Variants in ST6GALNAC3 observed in about 807,000 individuals in gnomAD.
ST6GALNAC3 encodes alpha-N-acetylgalactosaminide alpha-2,6-sialyltransferase 3.
Under a neutral mutation model 32.7 loss-of-function variants are expected in ST6GALNAC3, and 25 were observed. The observed-to-expected ratio is 0.76, with a 90% confidence interval of 0.56 to 1.07. The LOEUF (loss-of-function observed/expected upper bound fraction) is 1.07. ST6GALNAC3 is among the 50% of genes least tolerant of loss of function. The probability of loss-of-function intolerance (pLI) is 0.00; values close to 1 mark genes in which losing one functional copy is unlikely to be tolerated. For synonymous variants in ST6GALNAC3, 129 were observed against 133.1 expected (o/e 0.97, Z 0.21); for missense variants, 355 against 382.4 (o/e 0.93, Z 0.60).
intron 3 of ST6GALNAC3, among the ~76,000 whole-genome samples, chr1:76,461,908 CT>C (rs1658303418): frequency 6.6e-6 from 1 of 152,080 alleles, no homozygotes; most frequent in Non-Finnish European, 1.5e-5. Context: ...AGGATCCAGA[CT>C]TAGGTAAACT....
intron 2 of ST6GALNAC3, among the ~76,000 whole-genome samples, chr1:76,317,074 C>T (rs1646878731): frequency 6.6e-6 from 1 of 152,104 alleles, no homozygotes; most frequent in South Asian, 2.1e-4. Flanking sequence ...GAAAATTTTG[C>T]ATGAAAGTTG....
rs1653871678 is a variant in ST6GALNAC3, at chr1:76,406,858, C to T, written c.214-5150C>T. 2.6e-5 allele frequency among the ~76,000 whole-genome samples: 4 copies of T among 151,772 alleles called. No individual in the cohort carries two copies. In the South Asian group the frequency reaches 8.3e-4, roughly 32 times the overall value. On this transcript the variant is annotated intron_variant, in intron 2 of 4. Coordinates refer to ENST00000328299, the MANE Select transcript of ST6GALNAC3 (RefSeq NM_152996.4). ...GACATCATGTTTATCTCAACTTCCTCAACTCAGTAATGGAAAATGAATTAA... is the reference window on the plus strand; with the variant it reads ...GACATCATGTTTATCTCAACTTCCTTAACTCAGTAATGGAAAATGAATTAA...
intron 1 of ST6GALNAC3, among the ~76,000 whole-genome samples, chr1:76,184,562 C>CACAT (rs1553163156): frequency 6.4e-4 from 95 of 148,092 alleles, no homozygotes; most frequent in African/African-American, 2.3e-3. Context: ...CACACACACA[C>CACAT]GAAACATATG....
At chr1:76,390,930 T>TTA (rs144246693) in intron 2 of ST6GALNAC3, among the ~76,000 whole-genome samples, 22,025 of 98,240 alleles carry the variant, frequency 0.22, 3,047 homozygotes, top group African/African-American at 0.3. Flanking sequence ...ATTAAAATGC[T>TTA]TATATATATA....
intron 3 of ST6GALNAC3, among the ~76,000 whole-genome samples, chr1:76,437,779 T>G (rs995442878): frequency 6.6e-6 from 1 of 151,946 alleles, no homozygotes; most frequent in African/African-American, 2.4e-5. Context: ...TTTCACCATG[T>G]TGGCCAGGAC....
intron 3 of ST6GALNAC3, among the ~76,000 whole-genome samples, chr1:76,428,759 A>C (rs1164879199): frequency 6.6e-6 from 1 of 152,186 alleles, no homozygotes; most frequent in African/African-American, 2.4e-5. Context: ...CTCATTATGC[A>C]TTAGTTTATC....
rs571962558 is a variant in ST6GALNAC3 at position 76,634,299 on chromosome 1, T to C, written c.*5493T>C. ...CTTCAAAAAGATCAAAACGAGGCAATTTTATAGCTTTTTGTTACCTAATCT... is the reference window on the plus strand; with the variant it reads ...CTTCAAAAAGATCAAAACGAGGCAACTTTATAGCTTTTTGTTACCTAATCT... On this transcript the variant is annotated 3_prime_UTR_variant, in exon 5 of 5. Transcript: ENST00000328299. 2.7e-6 allele frequency: 1 copy of C among 374,696 alleles called. No individual in the cohort carries two copies. The highest frequency in any genetic ancestry group is 2.2e-5 in the African/African-American group (1 of 45,576). The allele number at this position is 374,696 out of a possible 1,614,324, so 23.2% of individuals were successfully genotyped here.
intron 1 of ST6GALNAC3, among the ~76,000 whole-genome samples, chr1:76,133,200 A>C (rs1022592085): frequency 1.3e-5 from 2 of 152,170 alleles, no homozygotes; most frequent in African/African-American, 4.8e-5. Flanking sequence ...GCCTCTGCCC[A>C]CATCTATTCT....
At chr1:76,483,041 C>T (rs773483787) in intron 3 of ST6GALNAC3, among the ~76,000 whole-genome samples, 2 of 152,226 alleles carry the variant, frequency 1.3e-5, no homozygotes, top group Non-Finnish European at 2.9e-5. Flanking sequence ...CATGTCCCTA[C>T]AAAGGACATG....
At chr1:76,258,301 A>G (rs1001691732) in intron 1 of ST6GALNAC3, among the ~76,000 whole-genome samples, 12 of 152,172 alleles carry the variant, frequency 7.9e-5, no homozygotes, top group Admixed American at 3.3e-4. Context: ...CTCTCTAGTT[A>G]TGACATAATT....
intron 2 of ST6GALNAC3, among the ~76,000 whole-genome samples, chr1:76,392,239 A>G (rs955110716): frequency 6.6e-6 from 1 of 152,228 alleles, no homozygotes; most frequent in Non-Finnish European, 1.5e-5. Flanking sequence ...ACAAATGATG[A>G]TATAAATCAG....
At chr1:76,129,232 C>A (rs891031033) in intron 1 of ST6GALNAC3, among the ~76,000 whole-genome samples, 1 of 152,156 alleles carries the variant, frequency 6.6e-6, no homozygotes, top group African/African-American at 2.4e-5. Context: ...CAACCTAGGG[C>A]AGCATAACTT....
At chr1:76,131,608 A>G (rs1649615164) in intron 1 of ST6GALNAC3, among the ~76,000 whole-genome samples, 1 of 152,204 alleles carries the variant, frequency 6.6e-6, no homozygotes, top group Non-Finnish European at 1.5e-5. Flanking sequence ...AGTCCAAGCC[A>G]GCCTCTGGGG....
At chr1:76,098,635 AG>A (rs946815527) in intron 1 of ST6GALNAC3, among the ~76,000 whole-genome samples, 3 of 151,962 alleles carry the variant, frequency 2.0e-5, no homozygotes, top group East Asian at 1.9e-4. Flanking sequence ...TTTACCTTTT[AG>A]GGGGGTAGGA....
rs545829457 is a variant in ST6GALNAC3 at position 76,203,248 on chromosome 1, T to G, written c.19-110557T>G. On this transcript the variant is annotated intron_variant, in intron 1 of 4. Transcript: ENST00000328299. ...CACTTAGCTCAAATAAATCAGAATCTGCGCAGGGGGTGCCCATGCATTACT... is the reference window on the plus strand; with the variant it reads ...CACTTAGCTCAAATAAATCAGAATCGGCGCAGGGGGTGCCCATGCATTACT... Among the ~76,000 whole-genome samples, 7 of 152,298 alleles carry G rather than the reference T, an allele frequency of 4.6e-5. No homozygotes were observed. In the East Asian group the frequency reaches 1.3e-3, roughly 29 times the overall value.
At chr1:76,619,064 A>G (rs1229340472) in intron 3 of ST6GALNAC3, among the ~76,000 whole-genome samples, 1 of 150,448 alleles carries the variant, frequency 6.6e-6, no homozygotes, top group Non-Finnish European at 1.5e-5. Context: ...GTTAAGAAAA[A>G]AATCAGAGAT....
chr1:76,243,841 G>T (rs1657103761), intron 1 of ST6GALNAC3, among the ~76,000 whole-genome samples: 1 of 152,118 alleles, frequency 6.6e-6, no homozygotes, highest in South Asian at 2.1e-4. Context: ...TGCTGTTTTG[G>T]TTACTGTAGC....
intron 2 of ST6GALNAC3, among the ~76,000 whole-genome samples, chr1:76,365,548 T>C (rs1650298965): frequency 6.6e-6 from 1 of 152,246 alleles, no homozygotes; most frequent in Non-Finnish European, 1.5e-5. Context: ...GTTTTAACAC[T>C]ATAGTGAATA....
chr1:76,089,321 G>T (rs979155084), intron 1 of ST6GALNAC3, among the ~76,000 whole-genome samples: 11 of 152,144 alleles, frequency 7.2e-5, no homozygotes, highest in African/African-American at 2.7e-4. Context: ...AAAATGCTGG[G>T]ATTACAGGCA....
Sources: allele counts gnomAD v4.1 joint callset (sites outside exome capture counted in the v4.1 genomes callset), GRCh38; gene constraint gnomAD v4.1.1; transcripts MANE v1.5; gene names NCBI Gene and HGNC (gene_info 2026-07-23, HGNC 2026-07-21).